Variants in RORA observed in about 807,000 individuals in gnomAD.
RORA encodes nuclear receptor ROR-alpha.
Under a neutral mutation model 69.5 loss-of-function variants are expected in RORA, and 7 were observed. The observed-to-expected ratio is 0.10, with a 90% CI of 0.06 to 0.19. The LOEUF is 0.19. Among genes scored for constraint, RORA ranks in the 10% least tolerant of loss-of-function variants. The probability of loss-of-function intolerance (pLI) is 1.00; values close to 1 mark genes in which losing one functional copy is unlikely to be tolerated. For synonymous variants in RORA, 261 were observed against 240.8 expected (o/e 1.08, Z -0.78); for missense variants, 457 against 663.0 (o/e 0.69, Z 3.41).
At chr15:61,187,460 G>A (rs947588025) in intron 1 of RORA, among the ~76,000 whole-genome samples, 14 of 152,168 alleles carry the variant, frequency 9.2e-5, no homozygotes, top group African/African-American at 3.1e-4. Flanking sequence ...AGCCTCCAGG[G>A]GGAGGATAGG....
rs767729204 is a variant in RORA at position 60,979,268 on chromosome 15, C to CTTTTTT, written c.166+249779_166+249784dup. Among the ~76,000 whole-genome samples the CTTTTTT allele has an allele frequency of 2.8e-4, 18 of 64,238 alleles. 1 individual carries two copies. Among genetic ancestry groups the CTTTTTT allele is most frequent in the East Asian group, 4.9e-4 (1 of 2,024 alleles). 42.1% of individuals were successfully genotyped at this position (64,238 alleles called of 152,430 possible). The stretch of plus-strand genomic sequence containing the variant: ...CGTGAGCCACCGCACCTAGCCCTTG[C>CTTTTTT]TTTTTTTTTTTTTTTTTTTTTTTCC... On this transcript the variant is annotated intron_variant, in intron 1 of 10. Coordinates refer to ENST00000335670, the MANE Select transcript of RORA (RefSeq NM_134261.3).
At chr15:60,738,360 CT>C (rs112261951) in intron 1 of RORA, among the ~76,000 whole-genome samples, 4,190 of 152,302 alleles carry the variant, frequency 0.028, 210 homozygotes, top group African/African-American at 0.097. Context: ...ACACTTTTAT[CT>C]TTTCCCAGAT....
chr15:60,772,231 G>A (rs557869182), intron 1 of RORA, among the ~76,000 whole-genome samples: 9 of 151,276 alleles, frequency 5.9e-5, no homozygotes, highest in East Asian at 2.0e-4. Context: ...CTGACAGGCC[G>A]CGGTGTGTGA....
rs201594345 is a variant in RORA at position 60,497,358 on chromosome 15, G to C, written c.*97C>G. 7 of 1,008,118 alleles carry C rather than the reference G, an allele frequency of 6.9e-6. No individual in the cohort carries two copies. Among genetic ancestry groups the C allele is most frequent in the Non-Finnish European group, 9.0e-6 (6 of 670,320 alleles). The allele number at this position is 1,008,118 out of a possible 1,614,324, so 62.4% of individuals were successfully genotyped here. On this transcript the variant is annotated 3_prime_UTR_variant, in exon 11 of 11. Coordinates refer to ENST00000335670, the MANE Select transcript of RORA (RefSeq NM_134261.3). The stretch of plus-strand genomic sequence containing the variant: ...AAGATGTGCAGTGTGTGGCGCTCCA[G>C]GTCTGTGCAGGGCCATATAAAGTGT...
intron 1 of RORA, among the ~76,000 whole-genome samples, chr15:61,178,300 C>A (rs1294994943): frequency 6.6e-6 from 1 of 152,180 alleles, no homozygotes; most frequent in Non-Finnish European, 1.5e-5. Flanking sequence ...AACCAACCAA[C>A]AGAAGGCAAG....
chr15:60,942,790 A>G (rs1295744365), intron 1 of RORA, among the ~76,000 whole-genome samples: 2 of 152,124 alleles, frequency 1.3e-5, no homozygotes, highest in African/African-American at 4.8e-5. Context: ...ATACCCTGGG[A>G]TGGAGGTGGG....
At chr15:60,949,295 C>G (rs985558011) in intron 1 of RORA, among the ~76,000 whole-genome samples, 3 of 152,178 alleles carry the variant, frequency 2.0e-5, no homozygotes, top group Non-Finnish European at 4.4e-5. Flanking sequence ...TCAGAAGTTG[C>G]CAGGCCAAAT....
chr15:61,083,467 TC>T (rs1348687887), intron 1 of RORA, among the ~76,000 whole-genome samples: 3 of 152,088 alleles, frequency 2.0e-5, no homozygotes, highest in Admixed American at 2.0e-4. Context: ...AATTCCTTAG[TC>T]CCTCTGAATC....
chr15:61,098,084 CTCCCCCT>C (rs2078818260), intron 1 of RORA, among the ~76,000 whole-genome samples: 1 of 148,562 alleles, frequency 6.7e-6, no homozygotes, highest in African/African-American at 2.5e-5. Flanking sequence ...TTCCCTCCTT[CTCCCCCT>C]CCTTCCTCCT....
At position 61,101,113 on chromosome 15, in the gene RORA, G is replaced by C. The variant is rs1296682174; in HGVS notation, c.166+127940C>G. 2.0e-5 allele frequency among the ~76,000 whole-genome samples: 3 copies of C among 152,174 alleles called. No homozygotes were observed. In the East Asian group the frequency reaches 5.8e-4, roughly 29 times the overall value. On this transcript the variant is annotated intron_variant, in intron 1 of 10. Transcript: ENST00000335670. Reference sequence around the variant, plus strand: ...ACTAGCTGCTGAAATTCTTCTCCATGAAAGTACAGAGTCACAGCAACCTGT... The same window carrying C: ...ACTAGCTGCTGAAATTCTTCTCCATCAAAGTACAGAGTCACAGCAACCTGT...
In RORA at chr15:61,189,725, C is replaced by T. The variant is rs536033173; in HGVS notation, c.166+39328G>A. 7.2e-5 allele frequency among the ~76,000 whole-genome samples: 11 copies of T among 151,856 alleles called. 1 individual carries two copies. The South Asian group carries it at 1.5e-3, about 20-fold the overall frequency. On this transcript the variant is annotated intron_variant, in intron 1 of 10. Coordinates refer to ENST00000335670, the MANE Select transcript of RORA (RefSeq NM_134261.3). ...ACAAAAAATTAGCCAGGAATGGTGG[C>T]GGGCACCTGTTGTCCCAGCTGCTCA...
At chr15:61,116,045 C>A (rs1156423561) in intron 1 of RORA, among the ~76,000 whole-genome samples, 1 of 152,024 alleles carries the variant, frequency 6.6e-6, no homozygotes, top group Middle Eastern at 3.2e-3. Context: ...CCATAGGAAC[C>A]CACTGTTGAT....
intron 3 of RORA, among the ~76,000 whole-genome samples, chr15:60,522,020 C>T (rs117048644): frequency 0.011 from 1,652 of 152,226 alleles, 24 homozygotes; most frequent in Middle Eastern, 0.034. Flanking sequence ...ATTAGATGGG[C>T]GCTTGGCAAA....
intron 1 of RORA, among the ~76,000 whole-genome samples, chr15:60,940,568 T>C (rs765036612): frequency 1.9e-4 from 29 of 152,334 alleles, no homozygotes; most frequent in Middle Eastern, 3.4e-3. Flanking sequence ...TTCTATGTAT[T>C]GTTTCAGATG....
rs189484280 is a variant in RORA at position 60,816,787 on chromosome 15, C to T, written c.167-138101G>A. On this transcript the variant is annotated intron_variant, in intron 1 of 10. Coordinates refer to ENST00000335670, the MANE Select transcript of RORA (RefSeq NM_134261.3). The stretch of plus-strand genomic sequence containing the variant: ...GTGTAGTGTTGAAGTCTCCAGCTAT[C>T]TTCTTGCATTTGGAAGCTCTGTTAT... Among the ~76,000 whole-genome samples, 98 of 151,312 alleles carry T rather than the reference C, an allele frequency of 6.5e-4. 1 individual carries two copies. The East Asian group carries it at 0.014, about 22-fold the overall frequency.
At chr15:61,143,013 A>G (rs1255216136) in intron 1 of RORA, among the ~76,000 whole-genome samples, 1 of 152,142 alleles carries the variant, frequency 6.6e-6, no homozygotes, top group African/African-American at 2.4e-5. Context: ...TGCAATGAGG[A>G]GAAAGTCATG....
intron 1 of RORA, among the ~76,000 whole-genome samples, chr15:60,929,623 A>T (rs1177806767): frequency 6.6e-6 from 1 of 152,182 alleles, no homozygotes; most frequent in African/African-American, 2.4e-5. Flanking sequence ...TTCTCTTGAA[A>T]ATGTTTGGTT....
rs1212373710 is a variant in RORA at position 60,683,641 on chromosome 15, T to TACACACAC, written c.167-4956_167-4955insGTGTGTGT. On this transcript the variant is annotated intron_variant, in intron 1 of 10. Coordinates refer to ENST00000335670, the MANE Select transcript of RORA (RefSeq NM_134261.3). ...TAAGACTCCTTCTATTTTACCCAGA[T>TACACACAC]ACACATACACACACACACACACACA... Among the ~76,000 whole-genome samples, 7 of 47,898 alleles carry TACACACAC rather than the reference T, an allele frequency of 1.5e-4. No individual in the cohort carries two copies. In the South Asian group the frequency reaches 5.1e-3, roughly 35 times the overall value. 31.4% of individuals were successfully genotyped at this position (47,898 alleles called of 152,430 possible).
chr15:60,949,095 G>C (rs773479179), intron 1 of RORA, among the ~76,000 whole-genome samples: 1 of 152,156 alleles, frequency 6.6e-6, no homozygotes, highest in Non-Finnish European at 1.5e-5. Context: ...GTCCAGTCCT[G>C]CATTCTTTCC....
Sources: allele counts gnomAD v4.1 joint callset (sites outside exome capture counted in the v4.1 genomes callset), GRCh38; gene constraint gnomAD v4.1.1; transcripts MANE v1.5; gene names NCBI Gene and HGNC (gene_info 2026-07-23, HGNC 2026-07-21).